Variants in HECW1 observed in about 807,000 individuals in gnomAD.
The protein encoded by HECW1 is E3 ubiquitin-protein ligase HECW1.
A neutral mutation model predicts 182.3 loss-of-function variants in HECW1; 61 were observed. The ratio of observed to expected loss-of-function variants is 0.33; its 90% CI spans 0.27 to 0.41. The LOEUF (loss-of-function observed/expected upper bound fraction) is 0.41, where lower values mean the gene tolerates loss of function less well. HECW1 is among the 10% of genes least tolerant of loss of function. The pLI is 1.00. For synonymous variants in HECW1, 859 were observed against 832.6 expected (o/e 1.03, Z -0.55); for missense variants, 1,739 against 2,108.9 (o/e 0.82, Z 3.44).
At chr7:43,287,864 T>G (rs1336803411) in intron 3 of HECW1, among the ~76,000 whole-genome samples, 1 of 152,058 alleles carries the variant, frequency 6.6e-6, no homozygotes, top group Non-Finnish European at 1.5e-5. Flanking sequence ...ACCTGAGGAG[T>G]GTGAAGAATC....
intron 5 of HECW1, among the ~76,000 whole-genome samples, chr7:43,340,731 C>T (rs1265567962): frequency 2.0e-5 from 3 of 151,682 alleles, no homozygotes; most frequent in African/African-American, 7.3e-5. Context: ...CTAGTTCAAC[C>T]ATTGTGGAAG....
intron 5 of HECW1, among the ~76,000 whole-genome samples, chr7:43,332,096 C>A (rs112057800): frequency 1.6e-4 from 24 of 152,156 alleles, no homozygotes; most frequent in African/African-American, 5.8e-4. Context: ...TTCTACAGTG[C>A]CCGCTTTCCT....
intron 2 of HECW1, among the ~76,000 whole-genome samples, chr7:43,200,404 A>C (rs1281894279): frequency 6.6e-6 from 1 of 152,208 alleles, no homozygotes; most frequent in African/African-American, 2.4e-5. Flanking sequence ...CATGTCACTC[A>C]ATTAGTCAAA....
chr7:43,166,176 T>C (rs1400093446), intron 2 of HECW1, among the ~76,000 whole-genome samples: 1 of 152,152 alleles, frequency 6.6e-6, no homozygotes, highest in Non-Finnish European at 1.5e-5. Context: ...CTCTGCCTCC[T>C]GGGTTCAAGC....
intron 3 of HECW1, among the ~76,000 whole-genome samples, chr7:43,267,430 CTT>C (rs1353585574): frequency 6.6e-6 from 1 of 151,912 alleles, no homozygotes; most frequent in Non-Finnish European, 1.5e-5. Flanking sequence ...TACATTAAAA[CTT>C]AGCAGATGTG....
intron 26 of HECW1, among the ~76,000 whole-genome samples, chr7:43,546,146 G>T (rs1383581153): frequency 6.7e-6 from 1 of 148,682 alleles, no homozygotes; most frequent in African/African-American, 2.5e-5. Context: ...TCTTCTGTTA[G>T]TTCCTCTGGC....
chr7:43,427,859 G>A (rs1158131034), intron 8 of HECW1, among the ~76,000 whole-genome samples: 2 of 152,140 alleles, frequency 1.3e-5, no homozygotes, highest in African/African-American at 4.8e-5. Flanking sequence ...CCCTTGCATT[G>A]AATCCTTCTC....
intron 6 of HECW1, chr7:43,377,795 T>G (rs2074387944): frequency 4.9e-6 from 1 of 203,472 alleles, no homozygotes; most frequent in Non-Finnish European, 1.0e-5. Context: ...AAGCAGCCCT[T>G]GGATCAAAGG....
chr7:43,434,042 T>TAA lies in HECW1; in HGVS notation c.802-3953_802-3952dup, dbSNP rs5883866. Among the ~76,000 whole-genome samples the TAA allele has an allele frequency of 3.3e-5, 5 of 151,166 alleles. No individual in the cohort carries two copies. The South Asian group carries it at 6.3e-4, about 19-fold the overall frequency. On this transcript the variant is annotated intron_variant, in intron 8 of 29. Transcript: ENST00000395891. ...TTAGGCAACAATACATCCTTTTTTT[T>TAA]AAAAAAAAACAAAAAACCTTTTGCA...
At chr7:43,498,394 A>T (rs1355461222) in intron 19 of HECW1, among the ~76,000 whole-genome samples, 1 of 152,178 alleles carries the variant, frequency 6.6e-6, no homozygotes, top group Non-Finnish European at 1.5e-5. Flanking sequence ...TTGGGGCAGG[A>T]GGATAACCTG....
At chr7:43,175,777 C>A (rs1290023619) in intron 2 of HECW1, among the ~76,000 whole-genome samples, 1 of 152,228 alleles carries the variant, frequency 6.6e-6, no homozygotes, top group Non-Finnish European at 1.5e-5. Flanking sequence ...CTTGTGCAAA[C>A]TGCCCGCTTT....
In HECW1 at chr7:43,493,123, A is replaced by G. The variant is rs2078992328; in HGVS notation, c.3380A>G (p.Asn1127Ser). The change falls in exon 19 of 30, where the codon AAC (asparagine) becomes AGC (serine). Residue 1127 changes from asparagine (N) to serine (S), a missense_variant. Transcript: ENST00000395891. ...ATTGTGGCATTTCTTCGCCAGCCAA[A>G]CATTTTTGAAATGCTGCAAGAGCGT... ...DKIVAFLRQP[N>S]IFEMLQERQP... 2.5e-6 allele frequency: 4 copies of G among 1,613,788 alleles called. No homozygotes were observed. The highest frequency in any genetic ancestry group is 8.5e-7 in the Non-Finnish European group (1 of 1,179,876).
chr7:43,305,260 A>G (rs1807403121), intron 3 of HECW1, among the ~76,000 whole-genome samples: 1 of 152,210 alleles, frequency 6.6e-6, no homozygotes, highest in African/African-American at 2.4e-5. Context: ...TGTTTCCTAC[A>G]GAAAGTCTAA....
chr7:43,249,679 G>A (rs1204133306), intron 3 of HECW1, among the ~76,000 whole-genome samples: 1 of 152,200 alleles, frequency 6.6e-6, no homozygotes, highest in Non-Finnish European at 1.5e-5. Context: ...AAAAACATGC[G>A]TGTGTAGCTG....
chr7:43,293,976 T>C (rs1205001816), intron 3 of HECW1, among the ~76,000 whole-genome samples: 1 of 152,172 alleles, frequency 6.6e-6, no homozygotes, highest in African/African-American at 2.4e-5. Context: ...ATGCTCCTTA[T>C]GAGAACATAA....
chr7:43,166,909 C>T (rs1040177523), intron 2 of HECW1, among the ~76,000 whole-genome samples: 1 of 152,158 alleles, frequency 6.6e-6, no homozygotes, highest in Non-Finnish European at 1.5e-5. Context: ...CAACTGTGGC[C>T]GCATGTGGAT....
intron 11 of HECW1, among the ~76,000 whole-genome samples, chr7:43,448,289 C>T (rs1408064172): frequency 6.6e-6 from 1 of 152,210 alleles, no homozygotes; most frequent in Non-Finnish European, 1.5e-5. Context: ...TCTTTTCATA[C>T]TTTTTGCTTT....
intron 1 of HECW1, chr7:43,113,568 C>A (rs959359267): frequency 1.7e-5 from 3 of 175,940 alleles, no homozygotes; most frequent in African/African-American, 7.1e-5. Flanking sequence ...CGGCCGGCTG[C>A]GCCGCTCAGC....
intron 2 of HECW1, among the ~76,000 whole-genome samples, chr7:43,195,555 C>T (rs772925388): frequency 4.6e-5 from 7 of 152,170 alleles, no homozygotes; most frequent in Admixed American, 2.0e-4. Flanking sequence ...TCATCACTTC[C>T]ATCTCTTAGG....
Sources: gnomAD v4.1 joint callset for allele counts (sites outside exome capture counted in the v4.1 genomes callset) on GRCh38, gnomAD v4.1.1 for gene constraint, MANE v1.5 for transcripts, NCBI Gene and HGNC (gene_info 2026-07-23, HGNC 2026-07-21) for gene names.